TCF12: variants seen among roughly 807,000 people sequenced by gnomAD.
The protein encoded by TCF12 is DNA-binding protein HTF4.
TCF12 carries 45 observed loss-of-function variants against 86.0 expected under a neutral mutation model. The observed-to-expected ratio is 0.52, with a 90% confidence interval of 0.41 to 0.67. The LOEUF is 0.67. Among genes scored for constraint, TCF12 ranks in the 30% least tolerant of loss-of-function variants. TCF12 has a pLI of 0.00. For synonymous variants in TCF12, 330 were observed against 299.6 expected (o/e 1.10, Z -1.05); for missense variants, 881 against 859.9 (o/e 1.02, Z -0.31).
intron 5 of TCF12, among the ~76,000 whole-genome samples, chr15:57,153,122 C>CTTCTA (rs1228582604): frequency 6.6e-6 from 1 of 152,168 alleles, no homozygotes; most frequent in African/African-American, 2.4e-5. Flanking sequence ...AGGATAAAGA[C>CTTCTA]TTCTAGATAT....
chr15:57,139,773 A>T (rs1442115036), intron 5 of TCF12, among the ~76,000 whole-genome samples: 1 of 152,214 alleles, frequency 6.6e-6, no homozygotes, highest in Non-Finnish European at 1.5e-5. Flanking sequence ...TCAAGAAAAA[A>T]GTAATAGTAC....
At chr15:57,232,507 A>C (rs1402297502) in intron 10 of TCF12, 77 bp downstream of exon 10, 9 of 1,518,256 alleles carry the variant, frequency 5.9e-6, no homozygotes, top group Non-Finnish European at 7.9e-6. Context: ...GAAGTGTAAA[A>C]TCTAAGTCTG....
At chr15:56,985,253 A>G (rs1391633193) in intron 3 of TCF12, among the ~76,000 whole-genome samples, 1 of 152,208 alleles carries the variant, frequency 6.6e-6, no homozygotes, top group Non-Finnish European at 1.5e-5. Context: ...GATTTCTGCA[A>G]GAAAACTCTT....
At chr15:57,059,574 C>T (rs1430573472) in intron 3 of TCF12, among the ~76,000 whole-genome samples, 1 of 152,058 alleles carries the variant, frequency 6.6e-6, no homozygotes, top group Non-Finnish European at 1.5e-5. Context: ...GGCAAATGGG[C>T]AGAGAAGGAA....
chr15:57,001,527 T>C lies in TCF12; in HGVS notation c.149-62223T>C, dbSNP rs1019665151. ...ATGTCTTTCATAGATTTAAAAAATA[T>C]TCGTTGGATTTGATTGTTGCATGTT... On this transcript the variant is annotated intron_variant, in intron 3 of 20. Coordinates refer to ENST00000333725, the MANE Select transcript of TCF12 (RefSeq NM_207037.2). The C allele has an allele frequency of 1.9e-5, 3 of 161,972 alleles. No homozygotes were observed. In the East Asian group the frequency reaches 4.1e-4, roughly 22 times the overall value. 10.0% of individuals were successfully genotyped at this position (161,972 alleles called of 1,614,324 possible).
intron 8 of TCF12, among the ~76,000 whole-genome samples, chr15:57,217,338 T>C (rs1014271637): frequency 6.6e-6 from 1 of 152,176 alleles, no homozygotes; most frequent in African/African-American, 2.4e-5. Context: ...CTTTTTTATC[T>C]GAATGTATGT....
intron 3 of TCF12, among the ~76,000 whole-genome samples, chr15:57,019,978 A>C (rs1191405988): frequency 6.6e-6 from 1 of 152,120 alleles, no homozygotes; most frequent in African/African-American, 2.4e-5. Flanking sequence ...CATTTCTCCC[A>C]TGGTTAACTT....
chr15:57,073,472 T>G (rs2069595258), intron 4 of TCF12, among the ~76,000 whole-genome samples: 1 of 152,030 alleles, frequency 6.6e-6, no homozygotes, highest in South Asian at 2.1e-4. Context: ...TTGTCACAAT[T>G]TAGTTTACAC....
chr15:57,237,968 TGATTTTTTAAAAA>T (rs2059448639), intron 12 of TCF12, among the ~76,000 whole-genome samples: 1 of 152,176 alleles, frequency 6.6e-6, no homozygotes, highest in Non-Finnish European at 1.5e-5. Context: ...AAAGTAAAAG[TGATTTTTTAAAAA>T]GTCCTGTAAC....
intron 5 of TCF12, among the ~76,000 whole-genome samples, chr15:57,098,142 G>T (rs2733337): frequency 5.1e-4 from 77 of 151,184 alleles, no homozygotes; most frequent in Non-Finnish European, 9.0e-4. Flanking sequence ...CCCAGATTGC[G>T]CCACTGCACT....
chr15:56,977,314 C>T (rs2062661307), intron 3 of TCF12, among the ~76,000 whole-genome samples: 1 of 151,994 alleles, frequency 6.6e-6, no homozygotes, highest in South Asian at 2.1e-4. Flanking sequence ...GGGCGGATTG[C>T]TTGAGTCCAG....
rs368449663 is a variant in TCF12, at chr15:57,187,399, G to A, written c.391-4759G>A. On this transcript the variant is annotated intron_variant, in intron 6 of 20. Transcript: ENST00000333725. ...ACTGATTACATTCAGCATTGTACTGGAAATTCTAAACCAGGGGTATCCATT... is the reference window on the plus strand; with the variant it reads ...ACTGATTACATTCAGCATTGTACTGAAAATTCTAAACCAGGGGTATCCATT... 2.0e-5 allele frequency among the ~76,000 whole-genome samples: 3 copies of A among 152,238 alleles called. No homozygotes were observed. The East Asian group carries it at 5.8e-4, about 29-fold the overall frequency.
intron 3 of TCF12, among the ~76,000 whole-genome samples, chr15:57,054,350 G>A (rs2067839743): frequency 6.6e-6 from 1 of 152,172 alleles, no homozygotes; most frequent in South Asian, 2.1e-4. Flanking sequence ...TGCTTTATTG[G>A]TACTGACTTA....
At chr15:56,958,082 A>G (rs7162421) in intron 3 of TCF12, among the ~76,000 whole-genome samples, 1 of 152,114 alleles carries the variant, frequency 6.6e-6, no homozygotes, top group Non-Finnish European at 1.5e-5. Flanking sequence ...TTCAGTCTCT[A>G]GCTTCAGGTA....
chr15:57,279,554 T>C (rs1279601496), intron 19 of TCF12, among the ~76,000 whole-genome samples: 2 of 152,210 alleles, frequency 1.3e-5, no homozygotes, highest in Admixed American at 1.3e-4. Context: ...GTTGTGTATT[T>C]ATTTCACATT....
intron 5 of TCF12, among the ~76,000 whole-genome samples, chr15:57,133,867 G>A (rs936947830): frequency 7.2e-5 from 11 of 151,958 alleles, no homozygotes; most frequent in Middle Eastern, 3.2e-3. Flanking sequence ...AATAGATTAC[G>A]CTTTCTGTAT....
rs7174202 is a variant in TCF12, at chr15:57,131,982, T to C, written c.326-34420T>C. On this transcript the variant is annotated intron_variant, in intron 5 of 20. Transcript: ENST00000333725. Reference sequence around the variant, plus strand: ...TGAGTTTATCTTGTCAGCTTTCTCTTTGTGGAATCATGATATCGTCCAGCC... The same window carrying C: ...TGAGTTTATCTTGTCAGCTTTCTCTCTGTGGAATCATGATATCGTCCAGCC... 5.1e-3 allele frequency among the ~76,000 whole-genome samples: 779 copies of C among 152,166 alleles called. 9 individuals are homozygous for C. The highest frequency in any genetic ancestry group is 0.024 in the Admixed American group (371 of 15,278).
intron 18 of TCF12, among the ~76,000 whole-genome samples, chr15:57,271,169 C>G (rs367916860): frequency 5.3e-5 from 8 of 152,226 alleles, no homozygotes; most frequent in African/African-American, 1.9e-4. Flanking sequence ...ACGCCCTGCC[C>G]TCAGAGGTGG....
At chr15:57,232,593 A>C (rs775864985) in intron 10 of TCF12, 119 bp from the exon 11 acceptor site, 4 of 1,438,958 alleles carry the variant, frequency 2.8e-6, no homozygotes, top group Non-Finnish European at 3.7e-6. Flanking sequence ...AATGACAATA[A>C]GTAGTGCTCT....
Sources: gnomAD v4.1 joint callset for allele counts (sites outside exome capture counted in the v4.1 genomes callset) on GRCh38, gnomAD v4.1.1 for gene constraint, MANE v1.5 for transcripts, NCBI Gene and HGNC (gene_info 2026-07-23, HGNC 2026-07-21) for gene names.